The following PRDM15 variants were observed in gnomAD, a reference collection of about 807,000 sequenced individuals.
PRDM15 encodes PR domain zinc finger protein 15.
A neutral mutation model predicts 128.6 loss-of-function variants in PRDM15; 64 were observed. The ratio of observed to expected loss-of-function variants is 0.50; its 90% CI spans 0.41 to 0.61. PRDM15 has a LOEUF of 0.61. PRDM15 is among the 20% of genes least tolerant of loss of function. The pLI, the probability that PRDM15 is intolerant of heterozygous loss-of-function variation, is 0.00. For synonymous variants in PRDM15, 615 were observed against 621.8 expected (o/e 0.99, Z 0.16); for missense variants, 1,242 against 1,569.1 (o/e 0.79, Z 3.52).
chr21:41,829,236 CAA>C (rs1246839071), intron 11 of PRDM15, among the ~76,000 whole-genome samples: 33 of 146,436 alleles, frequency 2.3e-4, no homozygotes, highest in Middle Eastern at 3.6e-3. Flanking sequence ...ACACACTATG[CAA>C]ATACATACAC....
chr21:41,819,187 G>A lies in PRDM15; in HGVS notation c.2260+395C>T, dbSNP rs573353879. ...CGAGTCCTTCTTTCCTTAAGTAAGC[G>A]ACTGAAGCCTATGGGCTTCCAGGGC... On this transcript the variant is annotated intron_variant, in intron 18 of 23. Coordinates refer to ENST00000398548, the MANE Select transcript of PRDM15 (RefSeq NM_001040424.3). Among the ~76,000 whole-genome samples, 95 of 152,306 alleles carry A rather than the reference G, an allele frequency of 6.2e-4. 4 individuals are homozygous for A. The South Asian group carries it at 0.017, about 27-fold the overall frequency.
At chr21:41,858,977 C>T in intron 3 of PRDM15, 2 of 1,368,428 alleles carry the variant, frequency 1.5e-6, no homozygotes, top group Non-Finnish European at 2.0e-6. Flanking sequence ...CGGGAACTGC[C>T]ATCCTCTACA....
chr21:41,842,573 C>T (rs1420666719), intron 6 of PRDM15, among the ~76,000 whole-genome samples: 3 of 152,122 alleles, frequency 2.0e-5, no homozygotes, highest in Non-Finnish European at 4.4e-5. Context: ...TCACTATAAC[C>T]TCCGCCTCCC....
At chr21:41,864,570 C>T (rs1003229962) in intron 1 of PRDM15, among the ~76,000 whole-genome samples, 4 of 152,008 alleles carry the variant, frequency 2.6e-5, no homozygotes, top group South Asian at 2.1e-4. Context: ...GACCTGGAAC[C>T]GCTGTGACCT....
chr21:41,806,045 T>G (rs867023107), intron 21 of PRDM15, among the ~76,000 whole-genome samples: 4 of 16,106 alleles, frequency 2.5e-4, no homozygotes, highest in Admixed American at 5.3e-4. Flanking sequence ...ACCACCACCA[T>G]CACCACCACC....
chr21:41,849,721 C>G (rs1291462195), intron 5 of PRDM15, among the ~76,000 whole-genome samples: 1 of 151,988 alleles, frequency 6.6e-6, no homozygotes, highest in Non-Finnish European at 1.5e-5. Flanking sequence ...TGAATCACTT[C>G]AAGTCAGGAG....
chr21:41,839,076 C>G (rs1022193035), intron 7 of PRDM15, among the ~76,000 whole-genome samples: 2 of 152,178 alleles, frequency 1.3e-5, no homozygotes, highest in Non-Finnish European at 2.9e-5. Flanking sequence ...GGAAGAGGGT[C>G]AAATGCCTCT....
rs995901236 is a variant in PRDM15, at chr21:41,845,527, G to A, written c.640+1563C>T. ...CCCTCCGGTAATCTGGGTGGCAGAG[G>A]CCGGGCTGCCCGAGTACCTGGCTCC... On this transcript the variant is annotated intron_variant, in intron 6 of 23. Coordinates refer to ENST00000398548, the MANE Select transcript of PRDM15 (RefSeq NM_001040424.3). Among the ~76,000 whole-genome samples, 4 of 151,798 alleles carry A rather than the reference G, an allele frequency of 2.6e-5. No homozygotes were observed. In the South Asian group the frequency reaches 6.2e-4, roughly 24 times the overall value.
intron 12 of PRDM15, among the ~76,000 whole-genome samples, chr21:41,827,816 T>C (rs1007369660): frequency 6.6e-6 from 1 of 152,234 alleles, no homozygotes; most frequent in African/African-American, 2.4e-5. Context: ...ATTGAAAGCA[T>C]TTTTCACAAT....
Position 41,839,863 on chromosome 21 carries a change from G to A in PRDM15, c.641-10C>T. 6.2e-7 allele frequency: 1 copy of A among 1,612,658 alleles called. No homozygotes were observed. Among genetic ancestry groups the A allele is most frequent in the Non-Finnish European group, 8.5e-7 (1 of 1,178,722 alleles). ...TGGCCCAACAGATGTTCTGCAAAGA[G>A]AGACGCGAATGCACCACACAATTAG... is the stretch of plus-strand genomic sequence containing the variant. On this transcript the variant is annotated splice_polypyrimidine_tract_variant and intron_variant, in intron 6 of 23. Coordinates refer to ENST00000398548, the MANE Select transcript of PRDM15 (RefSeq NM_001040424.3).
At chr21:41,847,466 C>T (rs1424921986) in intron 5 of PRDM15, among the ~76,000 whole-genome samples, 1 of 152,212 alleles carries the variant, frequency 6.6e-6, no homozygotes, top group Non-Finnish European at 1.5e-5. Flanking sequence ...GAGCTGAGAA[C>T]TCCTCCAAGA....
chr21:41,861,379 C>T (rs1234926932), intron 1 of PRDM15, among the ~76,000 whole-genome samples: 1 of 152,192 alleles, frequency 6.6e-6, no homozygotes, highest in Non-Finnish European at 1.5e-5. Context: ...CCCCCACACA[C>T]ATATATTCAC....
chr21:41,810,930 T>C lies in PRDM15; in HGVS notation c.2393-94A>G, dbSNP rs1269296848. On this transcript the variant is annotated intron_variant, in intron 19 of 23. Coordinates refer to ENST00000398548, the MANE Select transcript of PRDM15 (RefSeq NM_001040424.3). The surrounding 1 kb of genome is among the most constrained non-coding windows in gnomAD (Gnocchi z 6.4). Reference sequence around the variant, plus strand: ...TCTCCCTGACACGTTCCAGGCACTGTAGGGCCTTCAGGAGAAGGTGAATTG... The same window carrying C: ...TCTCCCTGACACGTTCCAGGCACTGCAGGGCCTTCAGGAGAAGGTGAATTG... 1.8e-6 allele frequency: 2 copies of C among 1,098,318 alleles called. No individual in the cohort carries two copies. Among genetic ancestry groups the C allele is most frequent in the East Asian group, 2.4e-5 (1 of 41,834 alleles). The allele number at this position is 1,098,318 out of a possible 1,614,324, so 68.0% of individuals were successfully genotyped here.
chr21:41,854,274 C>T lies in PRDM15; in HGVS notation c.538+292G>A, dbSNP rs536268206. On this transcript the variant is annotated intron_variant, in intron 5 of 23. Coordinates refer to ENST00000398548, the MANE Select transcript of PRDM15 (RefSeq NM_001040424.3). The surrounding 1 kb of genome is among the most constrained non-coding windows in gnomAD (Gnocchi z 4.6). ...GTGCGCGAGAGTGCGCTCTACCATG[C>T]ACTCATGACAATGCCATCGCCCCAG... Among the ~76,000 whole-genome samples, 10 of 152,320 alleles carry T rather than the reference C, an allele frequency of 6.6e-5. No homozygotes were observed. The East Asian group carries it at 1.9e-3, about 29-fold the overall frequency.
intron 21 of PRDM15, among the ~76,000 whole-genome samples, chr21:41,805,636 T>C (rs147270158): frequency 6.6e-6 from 1 of 152,082 alleles, no homozygotes; most frequent in Admixed American, 6.5e-5. Flanking sequence ...CACAGATCTA[T>C]ACTGTGACAC....
chr21:41,823,664 C>T (rs536340552), intron 13 of PRDM15, among the ~76,000 whole-genome samples: 10 of 152,196 alleles, frequency 6.6e-5, no homozygotes, highest in Non-Finnish European at 1.3e-4. Context: ...CAGGTGCTTA[C>T]GTTACAATAG....
At chr21:41,823,101 GAC>G (rs2062339995) in intron 14 of PRDM15, 7 of 613,296 alleles carry the variant, frequency 1.1e-5, no homozygotes, top group Middle Eastern at 5.4e-4. Context: ...ACCATGTGAG[GAC>G]ACAGTGAGAA....
chr21:41,810,270 G>A lies in PRDM15; in HGVS notation c.2536C>T (p.Gln846Ter). ...TCGTGTGTGAGCTGAACGTGCTTCT[G>A]CAGCATGTACTCGGTCACGTACTTC... ...DKKYVTEYML[Q>*]KHVQLTHDKV... is the part of the protein sequence containing the mutation. The change falls in exon 21 of 24, where the codon CAG (glutamine) becomes TAG (stop). Residue 846 changes from glutamine (Q) to a stop codon, truncating the protein, a stop_gained. Coordinates refer to ENST00000398548, the MANE Select transcript of PRDM15 (RefSeq NM_001040424.3). LOFTEE classifies it high-confidence loss of function. This position sits in a 1 kb window ranked among gnomAD's most constrained non-coding sequence, Gnocchi z 6.4. The A allele has an allele frequency of 6.2e-7, 1 of 1,613,506 alleles. No homozygotes were observed. The highest frequency in any genetic ancestry group is 8.5e-7 in the Non-Finnish European group (1 of 1,179,948).
intron 21 of PRDM15, among the ~76,000 whole-genome samples, chr21:41,806,881 GCAC>G (rs1244899959): frequency 4.7e-4 from 64 of 136,058 alleles, no homozygotes; most frequent in Non-Finnish European, 8.0e-4. Context: ...ATCACCATCA[GCAC>G]CACTACCACC....
Sources: allele counts gnomAD v4.1 joint callset (sites outside exome capture counted in the v4.1 genomes callset), GRCh38; gene constraint gnomAD v4.1.1; non-coding constraint Gnocchi (gnomAD v3.1); transcripts MANE v1.5; gene names NCBI Gene and HGNC (gene_info 2026-07-23, HGNC 2026-07-21).